Variants in ESPNL observed in about 807,000 individuals in gnomAD.
ESPNL encodes the protein espin like.
A neutral mutation model predicts 46.8 loss-of-function variants in ESPNL; 49 were observed. That is an observed-to-expected ratio of 1.05 (90% confidence interval 0.83 to 1.33). The LOEUF is 1.33. ESPNL is among the 40% of genes most tolerant of loss of function. The pLI is 0.00. For synonymous variants in ESPNL, 664 were observed against 662.1 expected (o/e 1.00, Z -0.04); for missense variants, 1,540 against 1,436.6 (o/e 1.07, Z -1.16).
At chr2:238,105,169 C>T (rs1691568536) in intron 3 of ESPNL, among the ~76,000 whole-genome samples, 1 of 152,144 alleles carries the variant, frequency 6.6e-6, no homozygotes, top group Non-Finnish European at 1.5e-5. Context: ...TTTGTCTGCG[C>T]CCACACCAGC....
At chr2:238,125,877 C>G (rs1039818009) in intron 6 of ESPNL, among the ~76,000 whole-genome samples, 1 of 152,186 alleles carries the variant, frequency 6.6e-6, no homozygotes, top group Non-Finnish European at 1.5e-5. Context: ...TGCTGCGGCC[C>G]TGTACTCACA....
intron 4 of ESPNL, among the ~76,000 whole-genome samples, chr2:238,111,222 C>T (rs765856138): frequency 2.0e-5 from 3 of 152,056 alleles, no homozygotes; most frequent in Admixed American, 6.6e-5. Flanking sequence ...CTACCGTGCC[C>T]GGCCTAGTTA....
chr2:238,129,695 G>A (rs778642882), intron 8 of ESPNL, among the ~76,000 whole-genome samples: 23 of 152,372 alleles, frequency 1.5e-4, no homozygotes, highest in South Asian at 1.2e-3. Flanking sequence ...CCGGCCCAGC[G>A]CTGTGTCCAG....
At chr2:238,128,039 G>A (rs1371376990) in intron 7 of ESPNL, among the ~76,000 whole-genome samples, 1 of 152,202 alleles carries the variant, frequency 6.6e-6, no homozygotes, top group South Asian at 2.1e-4. Context: ...CTCCGTGCCC[G>A]CTTGGAGTGC....
intron 5 of ESPNL, among the ~76,000 whole-genome samples, chr2:238,124,230 C>T (rs1023608742): frequency 6.6e-6 from 1 of 152,234 alleles, no homozygotes; most frequent in African/African-American, 2.4e-5. Context: ...GACCCTGGAG[C>T]CCTGATGGCC....
In ESPNL at chr2:238,106,138, G is replaced by A. The variant is rs551811191; in HGVS notation, c.672+1296G>A. Among the ~76,000 whole-genome samples the A allele has an allele frequency of 4.6e-5, 7 of 152,332 alleles. No homozygotes were observed. The South Asian group carries it at 6.2e-4, about 14-fold the overall frequency. On this transcript the variant is annotated intron_variant, in intron 3 of 8. Coordinates refer to ENST00000343063, the MANE Select transcript of ESPNL (RefSeq NM_194312.4). Reference sequence around the variant, plus strand: ...TTGGTGGTGGTTTCCACCAGCCGGCGTGTAGGCGCCAGGAGCTCCGTGGGT... The same window carrying A: ...TTGGTGGTGGTTTCCACCAGCCGGCATGTAGGCGCCAGGAGCTCCGTGGGT...
At position 238,130,793 on chromosome 2, in the gene ESPNL, G is replaced by A. The variant is rs771931387; in HGVS notation, c.2079G>A (p.Lys693=). The change falls in exon 9 of 9, where the codon AAG becomes AAA. Residue 693 remains lysine, a synonymous_variant. Transcript: ENST00000343063. ...CLSGCWPALP[K]PRSGLASGEP... ...GTGGCTGCTGGCCAGCCCTGCCTAA[G>A]CCCCGCAGTGGCCTGGCTTCAGGGG... The A allele has an allele frequency of 1.5e-5, 23 of 1,544,018 alleles. No homozygotes were observed. Among genetic ancestry groups the A allele is most frequent in the Non-Finnish European group, 8.7e-7 (1 of 1,149,188 alleles).
intron 4 of ESPNL, among the ~76,000 whole-genome samples, chr2:238,113,488 T>C (rs1361527400): frequency 1.3e-5 from 2 of 152,260 alleles, no homozygotes; most frequent in Non-Finnish European, 2.9e-5. Flanking sequence ...TTCTATTTCT[T>C]TGTGGGCTGG....
At chr2:238,117,129 G>A in intron 5 of ESPNL, 95 bp downstream of exon 5, 1 of 1,457,254 alleles carries the variant, frequency 6.9e-7, no homozygotes, top group Non-Finnish European at 9.2e-7. Context: ...ATAGTCAGCT[G>A]GGAAGCTCAC....
At chr2:238,126,237 A>AT (rs1216606493) in intron 6 of ESPNL, among the ~76,000 whole-genome samples, 6 of 84,752 alleles carry the variant, frequency 7.1e-5, no homozygotes, top group African/African-American at 1.9e-4. Context: ...TCTGTATTGT[A>AT]TGTATGTGTA....
At chr2:238,103,196 G>C (rs931317518) in intron 2 of ESPNL, among the ~76,000 whole-genome samples, 3 of 152,238 alleles carry the variant, frequency 2.0e-5, no homozygotes, top group Non-Finnish European at 4.4e-5. Flanking sequence ...GCTGGGGCTG[G>C]AGGATTGCTT....
At chr2:238,118,944 A>G (rs1180467957) in intron 5 of ESPNL, among the ~76,000 whole-genome samples, 17 of 101,124 alleles carry the variant, frequency 1.7e-4, no homozygotes, top group African/African-American at 5.6e-4. Flanking sequence ...AATGGATGGA[A>G]GAGGATTGAT....
chr2:238,128,469 C>G (rs912574489), intron 7 of ESPNL, among the ~76,000 whole-genome samples: 5 of 152,100 alleles, frequency 3.3e-5, no homozygotes, highest in Non-Finnish European at 7.4e-5. Context: ...ATTTCTCTGC[C>G]GACAATCCCC....
chr2:238,126,379 A>ATT (rs1692115552), intron 6 of ESPNL, among the ~76,000 whole-genome samples: 1 of 106,894 alleles, frequency 9.4e-6, no homozygotes. Context: ...TGTCTTTGTG[A>ATT]TTGTGTGTCT....
chr2:238,105,336 G>T (rs1045882322), intron 3 of ESPNL, among the ~76,000 whole-genome samples: 3 of 152,034 alleles, frequency 2.0e-5, no homozygotes, highest in Non-Finnish European at 4.4e-5. Context: ...CATCTTCAAG[G>T]GGGGGCTGGG....
At chr2:238,101,855 G>T in intron 1 of ESPNL, 86 bp from the exon 2 acceptor site, 1 of 981,390 alleles carries the variant, frequency 1.0e-6, no homozygotes, top group South Asian at 1.5e-5. Flanking sequence ...CAGGCAGTGT[G>T]AGCCCTCGCC....
At chr2:238,106,868 G>A (rs1043457820) in intron 3 of ESPNL, among the ~76,000 whole-genome samples, 18 of 152,240 alleles carry the variant, frequency 1.2e-4, no homozygotes, top group African/African-American at 4.3e-4. Flanking sequence ...CGGCAGCCCT[G>A]TCCCTGTCTC....
intron 4 of ESPNL, among the ~76,000 whole-genome samples, chr2:238,115,120 C>A (rs947560747): frequency 2.0e-5 from 3 of 152,178 alleles, no homozygotes; most frequent in African/African-American, 7.2e-5. Flanking sequence ...GCTGATCTTG[C>A]GGCGGTTCTG....
intron 6 of ESPNL, among the ~76,000 whole-genome samples, chr2:238,126,931 G>GTGATTGTCTGTGTGTGTCTC (rs1692143562): frequency 1.6e-5 from 1 of 62,688 alleles, no homozygotes. Context: ...CTGTGTGTCT[G>GTGATTGTCTGTGTGTGTCTC]TGATTGTGTG....
Sources: gnomAD v4.1 joint callset for allele counts (sites outside exome capture counted in the v4.1 genomes callset) on GRCh38, gnomAD v4.1.1 for gene constraint, MANE v1.5 for transcripts, NCBI Gene and HGNC (gene_info 2026-07-23, HGNC 2026-07-21) for gene names.